The following ITGBL1 variants were observed in gnomAD, a reference collection of about 807,000 sequenced individuals.
ITGBL1 encodes integrin beta-like protein 1.
In ITGBL1, 51 loss-of-function variants were observed where a neutral mutation model predicts 68.5. That is an observed-to-expected ratio of 0.74 (90% CI 0.59 to 0.94). The LOEUF (loss-of-function observed/expected upper bound fraction) is 0.94, where lower values mean the gene tolerates loss of function less well. ITGBL1 is among the 40% of genes least tolerant of loss of function. The pLI is 0.00. For synonymous variants in ITGBL1, 209 were observed against 227.3 expected, an observed-to-expected ratio of 0.92 and a Z score of 0.72; for missense variants, 649 against 647.4, an observed-to-expected ratio of 1.00 and a Z score of -0.03.
At chr13:101,522,699 A>G (rs2049305754) in intron 2 of ITGBL1, among the ~76,000 whole-genome samples, 1 of 152,218 alleles carries the variant, frequency 6.6e-6, no homozygotes, top group African/African-American at 2.4e-5. Flanking sequence ...ATCTACTGTA[A>G]CACATTTATA....
intron 2 of ITGBL1, among the ~76,000 whole-genome samples, chr13:101,542,894 G>C (rs1007232231): frequency 6.0e-5 from 9 of 151,002 alleles, no homozygotes; most frequent in Non-Finnish European, 1.0e-4. Flanking sequence ...CCTTTTTTTT[G>C]TTTTCCGTTT....
intron 2 of ITGBL1, among the ~76,000 whole-genome samples, chr13:101,528,739 G>A (rs2049423736): frequency 6.6e-6 from 1 of 151,830 alleles, no homozygotes; most frequent in African/African-American, 2.4e-5. Flanking sequence ...AACAGAAGAG[G>A]GAGCTTTGTA....
chr13:101,629,790 C>G (rs2031912641), intron 7 of ITGBL1, among the ~76,000 whole-genome samples: 1 of 152,046 alleles, frequency 6.6e-6, no homozygotes, highest in South Asian at 2.1e-4. Flanking sequence ...GCCCCATTTT[C>G]CAATTCTCCC....
At chr13:101,477,122 T>C (rs1019345469) in intron 2 of ITGBL1, among the ~76,000 whole-genome samples, 7 of 152,028 alleles carry the variant, frequency 4.6e-5, no homozygotes, top group African/African-American at 1.4e-4. Context: ...AATTCAAAAA[T>C]ATTGAAATTA....
Position 101,692,671 on chromosome 13 carries a change from T to A in ITGBL1, c.1102T>A (p.Cys368Ser). Residue 368 changes from cysteine (C) to serine (S), a missense_variant, in exon 8 of 11, where the codon TGT becomes AGT. Coordinates refer to ENST00000376180, the MANE Select transcript of ITGBL1 (RefSeq NM_004791.3). Reference sequence around the variant, plus strand: ...GACTTGTGAGTGTGATGATCGCCGCTGTGAAGACCTCGATGGTGTGGTCTG... The same window carrying A: ...GACTTGTGAGTGTGATGATCGCCGCAGTGAAGACCTCGATGGTGTGGTCTG... ...GKTCECDDRR[C>S]EDLDGVVCGG... 6.2e-7 allele frequency: 1 copy of A among 1,613,446 alleles called. No homozygotes were observed. The highest frequency in any genetic ancestry group is 1.1e-5 in the South Asian group (1 of 91,082).
At position 101,452,817 on chromosome 13, in the gene ITGBL1, C is replaced by A; in HGVS notation, c.-17C>A. 1 of 1,608,596 alleles carries A rather than the reference C, an allele frequency of 6.2e-7. No homozygotes were observed. Among genetic ancestry groups the A allele is most frequent in the Non-Finnish European group, 8.5e-7 (1 of 1,175,274 alleles). On this transcript the variant is annotated 5_prime_UTR_variant, in exon 1 of 11. Transcript: ENST00000376180. ...TTGCAGAAGTGCAGCTCGCCCGGAG[C>A]AGCCCAGGAGCTCAGCATGCGTCCC...
intron 7 of ITGBL1, among the ~76,000 whole-genome samples, chr13:101,650,609 T>C (rs2032714644): frequency 6.8e-6 from 1 of 147,008 alleles, no homozygotes; most frequent in African/African-American, 2.5e-5. Flanking sequence ...GCCAGGTGAC[T>C]TCTTTTTTTT....
intron 7 of ITGBL1, among the ~76,000 whole-genome samples, chr13:101,638,920 A>G (rs938724509): frequency 2.0e-5 from 3 of 152,206 alleles, no homozygotes; most frequent in Non-Finnish European, 4.4e-5. Context: ...GTGAACAGTC[A>G]TAATGTTGAA....
chr13:101,531,023 T>C (rs764702525), intron 2 of ITGBL1, among the ~76,000 whole-genome samples: 3 of 146,976 alleles, frequency 2.0e-5, no homozygotes, highest in Admixed American at 7.0e-5. Context: ...AGAGGAGCTG[T>C]AATATAGGAA....
chr13:101,619,576 T>C (rs1265690032), intron 7 of ITGBL1, among the ~76,000 whole-genome samples: 1 of 152,176 alleles, frequency 6.6e-6, no homozygotes, highest in Non-Finnish European at 1.5e-5. Context: ...CATTTTAGAC[T>C]TCTGATCTCC....
At chr13:101,579,779 G>A (rs1311110022) in intron 5 of ITGBL1, among the ~76,000 whole-genome samples, 1 of 152,116 alleles carries the variant, frequency 6.6e-6, no homozygotes, top group Non-Finnish European at 1.5e-5. Flanking sequence ...ACCATCTACA[G>A]CATGAGCATC....
intron 7 of ITGBL1, among the ~76,000 whole-genome samples, chr13:101,666,508 A>T (rs1289262390): frequency 8.9e-4 from 4 of 4,498 alleles, no homozygotes; most frequent in African/African-American, 1.9e-3. Flanking sequence ...TTTGTGAGGC[A>T]TGTTTTTTTT....
intron 8 of ITGBL1, among the ~76,000 whole-genome samples, chr13:101,699,210 G>T (rs979929869): frequency 6.6e-6 from 1 of 152,222 alleles, no homozygotes; most frequent in Non-Finnish European, 1.5e-5. Flanking sequence ...AAGAGGATCA[G>T]TTAGTCCTGT....
At chr13:101,599,742 G>C (rs1392628720) in intron 7 of ITGBL1, among the ~76,000 whole-genome samples, 2 of 152,274 alleles carry the variant, frequency 1.3e-5, no homozygotes, top group East Asian at 1.9e-4. Flanking sequence ...AGATCAAATA[G>C]TTGTAGATAT....
chr13:101,478,134 A>G (rs2048563673), intron 2 of ITGBL1, among the ~76,000 whole-genome samples: 1 of 152,150 alleles, frequency 6.6e-6, no homozygotes, highest in Admixed American at 6.5e-5. Flanking sequence ...AAGATCATTC[A>G]TCATGACTAA....
intron 6 of ITGBL1, among the ~76,000 whole-genome samples, chr13:101,597,526 G>GT (rs1424056724): frequency 1.3e-5 from 2 of 149,898 alleles, no homozygotes; most frequent in African/African-American, 2.5e-5. Context: ...ACTCCTTTCC[G>GT]TTTTTTCTTT....
chr13:101,587,855 G>A (rs2050583683), intron 6 of ITGBL1, among the ~76,000 whole-genome samples: 1 of 152,114 alleles, frequency 6.6e-6, no homozygotes, highest in Non-Finnish European at 1.5e-5. Flanking sequence ...AAAATAGCAA[G>A]TACTACCTAG....
chr13:101,604,874 A>ATATATATATATATATATG (rs2030614967), intron 7 of ITGBL1, among the ~76,000 whole-genome samples: 1 of 42,076 alleles, frequency 2.4e-5, no homozygotes, highest in Non-Finnish European at 5.0e-5. Context: ...ATATATATAT[A>ATATATATATATATATATG]TATATATATA....
intron 7 of ITGBL1, among the ~76,000 whole-genome samples, chr13:101,624,128 T>C (rs1288648335): frequency 6.6e-6 from 1 of 152,202 alleles, no homozygotes; most frequent in Admixed American, 6.6e-5. Context: ...AAATCTGGGC[T>C]TGTTGAGCTT....
Sources: allele counts gnomAD v4.1 joint callset (sites outside exome capture counted in the v4.1 genomes callset), GRCh38; gene constraint gnomAD v4.1.1; transcripts MANE v1.5; gene names NCBI Gene and HGNC (gene_info 2026-07-23, HGNC 2026-07-21).